The following RNLS variants were observed in gnomAD, a reference collection of about 807,000 sequenced individuals.
The protein encoded by RNLS is renalase, FAD dependent amine oxidase, also known as renalase.
A neutral mutation model predicts 39.8 loss-of-function variants in RNLS; 39 were observed. That is an observed-to-expected ratio of 0.98 (90% CI 0.76 to 1.28). The LOEUF (loss-of-function observed/expected upper bound fraction) is 1.28, where lower values mean the gene tolerates loss of function less well. Among genes scored for constraint, RNLS ranks in the 50% most tolerant of loss-of-function variants. The probability of loss-of-function intolerance (pLI) is 0.00; values close to 1 mark genes in which losing one functional copy is unlikely to be tolerated. For synonymous variants in RNLS, 147 were observed against 150.7 expected, an observed-to-expected ratio of 0.98 and a Z score of 0.18; for missense variants, 410 against 413.3, an observed-to-expected ratio of 0.99 and a Z score of 0.07.
chr10:88,577,870 T>G (rs1319183878), intron 3 of RNLS, among the ~76,000 whole-genome samples: 1 of 152,198 alleles, frequency 6.6e-6, no homozygotes, highest in African/African-American at 2.4e-5. Context: ...TAGTTAAATA[T>G]TGGCTTTAAA....
At chr10:88,299,568 T>C (rs1210070367) in intron 6 of RNLS, among the ~76,000 whole-genome samples, 2 of 152,188 alleles carry the variant, frequency 1.3e-5, no homozygotes, top group Non-Finnish European at 2.9e-5. Context: ...GAGGTTGCAG[T>C]GAGCCAAGAT....
At chr10:88,172,629 T>A in the RNLS span, among the ~76,000 whole-genome samples, 1 of 151,714 alleles carries the variant, frequency 6.6e-6, no homozygotes, top group Non-Finnish European at 1.5e-5. Flanking sequence ...ACGGGTTGTC[T>A]CTTCACTCTG....
chr10:88,178,014 T>C, the RNLS span, among the ~76,000 whole-genome samples: 2 of 152,070 alleles, frequency 1.3e-5, no homozygotes, highest in African/African-American at 4.8e-5. Context: ...AAGCCATGGG[T>C]GGGCCATTTC....
the RNLS span, among the ~76,000 whole-genome samples, chr10:88,245,620 ATTTTC>A: frequency 6.6e-6 from 1 of 151,730 alleles, no homozygotes; most frequent in Non-Finnish European, 1.5e-5. Flanking sequence ...CATATATGTG[ATTTTC>A]TTTTCTTTTT....
intron 4 of RNLS, among the ~76,000 whole-genome samples, chr10:88,421,891 G>A (rs950563566): frequency 2.0e-5 from 3 of 151,936 alleles, no homozygotes; most frequent in Non-Finnish European, 4.4e-5. Context: ...CTCTTAAGAA[G>A]CTCCCCGCAA....
chr10:88,523,608 T>C (rs1163240237), intron 4 of RNLS, among the ~76,000 whole-genome samples: 2 of 152,136 alleles, frequency 1.3e-5, no homozygotes, highest in Non-Finnish European at 2.9e-5. Context: ...AAACAAAAGA[T>C]GATTCTCTCC....
chr10:88,572,425 C>T (rs1488844251), intron 4 of RNLS, among the ~76,000 whole-genome samples: 2 of 152,136 alleles, frequency 1.3e-5, no homozygotes, highest in African/African-American at 4.8e-5. Flanking sequence ...GCTTCTTCAG[C>T]AAAATTTACT....
the RNLS span, among the ~76,000 whole-genome samples, chr10:88,172,990 G>T: frequency 6.6e-6 from 1 of 150,820 alleles, no homozygotes; most frequent in Non-Finnish European, 1.5e-5. Flanking sequence ...CCCACTAGCT[G>T]GGACTACAGG....
chr10:88,303,783 T>C (rs1300331604), intron 6 of RNLS, among the ~76,000 whole-genome samples: 1 of 152,050 alleles, frequency 6.6e-6, no homozygotes, highest in Non-Finnish European at 1.5e-5. Context: ...CCCTTCCCCT[T>C]CACTCCCACT....
chr10:88,559,216 T>A (rs1288771886), intron 4 of RNLS, among the ~76,000 whole-genome samples: 1 of 152,182 alleles, frequency 6.6e-6, no homozygotes, highest in Admixed American at 6.6e-5. Flanking sequence ...AAATTTTGCA[T>A]CTTTGTAGTA....
At chr10:88,397,034 C>T (rs1852603899) in intron 4 of RNLS, among the ~76,000 whole-genome samples, 1 of 151,728 alleles carries the variant, frequency 6.6e-6, no homozygotes, top group South Asian at 2.1e-4. Flanking sequence ...CATCACTTTC[C>T]CACTTTCAAT....
intron 4 of RNLS, among the ~76,000 whole-genome samples, chr10:88,413,111 G>A (rs1443254380): frequency 2.0e-5 from 3 of 152,142 alleles, no homozygotes; most frequent in African/African-American, 7.2e-5. Flanking sequence ...ATAATGCATC[G>A]AGGTGGAGGG....
the RNLS span, among the ~76,000 whole-genome samples, chr10:88,203,260 GTGTGTATGTATA>G: frequency 2.1e-4 from 1 of 4,794 alleles, no homozygotes; most frequent in East Asian, 2.9e-3. Context: ...GTGTGTGTGT[GTGTGTATGTATA>G]TATATATATA....
intron 4 of RNLS, among the ~76,000 whole-genome samples, chr10:88,389,504 G>A (rs374912605): frequency 4.5e-4 from 69 of 152,224 alleles, no homozygotes; most frequent in African/African-American, 1.5e-3. Flanking sequence ...TTGGTCAAAG[G>A]TATTGCTGCT....
At chr10:88,334,816 CTA>C (rs1332235119) in intron 5 of RNLS, among the ~76,000 whole-genome samples, 2 of 151,936 alleles carry the variant, frequency 1.3e-5, no homozygotes, top group Non-Finnish European at 2.9e-5. Context: ...AAGTCTAAGG[CTA>C]AAAACATTCA....
At chr10:88,229,071 A>G in the RNLS span, among the ~76,000 whole-genome samples, 1 of 152,216 alleles carries the variant, frequency 6.6e-6, no homozygotes, top group African/African-American at 2.4e-5. Flanking sequence ...TTACACCTCT[A>G]AATTTCACTT....
intron 4 of RNLS, among the ~76,000 whole-genome samples, chr10:88,383,916 C>T (rs75931571): frequency 0.016 from 2,425 of 152,222 alleles, 78 homozygotes; most frequent in African/African-American, 0.055. Context: ...TGATAGGAAG[C>T]ACTAACTTTG....
chr10:88,518,854 T>C (rs2134185868), intron 4 of RNLS, among the ~76,000 whole-genome samples: 1 of 152,106 alleles, frequency 6.6e-6, no homozygotes, highest in Non-Finnish European at 1.5e-5. Flanking sequence ...GCTGGGAAAC[T>C]GATAAGAAAG....
At chr10:88,384,942 C>T (rs980459875) in intron 4 of RNLS, among the ~76,000 whole-genome samples, 2 of 152,232 alleles carry the variant, frequency 1.3e-5, no homozygotes, top group Non-Finnish European at 2.9e-5. Flanking sequence ...CCTAGCTTTG[C>T]CTCCTTGTTA....
Sources: gnomAD v4.1 joint callset for allele counts (sites outside exome capture counted in the v4.1 genomes callset) on GRCh38, gnomAD v4.1.1 for gene constraint, MANE v1.5 for transcripts, NCBI Gene and HGNC (gene_info 2026-07-23, HGNC 2026-07-21) for gene names.